Variants in CDH23 observed in about 807,000 individuals in gnomAD.
CDH23 encodes cadherin related 23.
CDH23 carries 189 observed loss-of-function variants against 317.1 expected under a neutral mutation model. The observed-to-expected ratio is 0.60, with a 90% CI of 0.53 to 0.67. The LOEUF (loss-of-function observed/expected upper bound fraction) is 0.67. Among genes scored for constraint, CDH23 ranks in the 30% least tolerant of loss-of-function variants. The probability of loss-of-function intolerance (pLI) is 0.00; values close to 1 mark genes in which losing one functional copy is unlikely to be tolerated. For missense variants in CDH23, 4,401 were observed against 4,592.4 expected (o/e 0.96, Z 1.20); for synonymous variants, 1,839 against 1,876.8 (o/e 0.98, Z 0.52).
intron 6 of CDH23, among the ~76,000 whole-genome samples, chr10:71,529,448 C>G (rs1221034943): frequency 1.3e-5 from 2 of 152,182 alleles, no homozygotes; most frequent in African/African-American, 4.8e-5. Context: ...AGCTGCGTAT[C>G]CTGGAGCGGG....
intron 32 of CDH23, 29 bp from the exon 33 acceptor site, chr10:71,734,211 C>A (rs770888963): frequency 1.3e-6 from 2 of 1,558,344 alleles, no homozygotes; most frequent in Non-Finnish European, 8.8e-7. Flanking sequence ...GCGATGTTGT[C>A]ACTCACCCAT....
intron 2 of CDH23, among the ~76,000 whole-genome samples, chr10:71,445,897 A>G (rs1430969890): frequency 1.3e-5 from 2 of 151,818 alleles, no homozygotes; most frequent in Non-Finnish European, 2.9e-5. Flanking sequence ...AACAGGTGAC[A>G]TTCATTTTAA....
At chr10:71,628,464 G>A (rs1861852054) in intron 11 of CDH23, among the ~76,000 whole-genome samples, 1 of 152,144 alleles carries the variant, frequency 6.6e-6, no homozygotes, top group South Asian at 2.1e-4. Flanking sequence ...TTCTCCATCT[G>A]TTAAAAAGGA....
intron 26 of CDH23, chr10:71,707,435 G>A (rs1026144678): frequency 4.8e-6 from 6 of 1,254,960 alleles, no homozygotes; most frequent in Non-Finnish European, 6.0e-6. Flanking sequence ...CTTCCTTGGG[G>A]ACCTGTTGAG....
chr10:71,781,854 G>A (rs1177469569), intron 41 of CDH23, among the ~76,000 whole-genome samples: 1 of 152,166 alleles, frequency 6.6e-6, no homozygotes, highest in Non-Finnish European at 1.5e-5. Context: ...ATCAATGAAG[G>A]CCCAGAGAGG....
intron 14 of CDH23, among the ~76,000 whole-genome samples, chr10:71,651,206 T>C (rs562705657): frequency 6.6e-6 from 1 of 152,048 alleles, no homozygotes; most frequent in East Asian, 1.9e-4. Flanking sequence ...TGAGTAAGCA[T>C]TAACTGGTGA....
At chr10:71,810,202 C>A in intron 61 of CDH23, 126 bp downstream of exon 61, 5 of 1,160,206 alleles carry the variant, frequency 4.3e-6, no homozygotes, top group South Asian at 1.5e-5. Flanking sequence ...CCTACTTAGT[C>A]ATTTCCTATC....
At chr10:71,485,832 A>G (rs1852319313) in intron 3 of CDH23, among the ~76,000 whole-genome samples, 1 of 152,230 alleles carries the variant, frequency 6.6e-6, no homozygotes, top group Non-Finnish European at 1.5e-5. Flanking sequence ...TCTATGACAA[A>G]GCCACATTTG....
intron 3 of CDH23, among the ~76,000 whole-genome samples, chr10:71,488,044 T>C: frequency 6.6e-6 from 1 of 152,208 alleles, no homozygotes; most frequent in East Asian, 1.9e-4. Context: ...CTCTGTACCT[T>C]TCTGGGAACC....
In CDH23 at chr10:71,677,569, C is replaced by A. The variant is rs529161461; in HGVS notation, c.1628C>A (p.Thr543Asn). ...IIARDGGGEE[T>N]TGRVRINVLD... is the part of the protein sequence containing the mutation. ...GCCCGGGACGGGGGCGGCGAGGAGA[C>A]CACAGGCCGGGTCAGGATCAATGTG... is the stretch of plus-strand genomic sequence containing the variant. The change falls in exon 16 of 70, where the codon ACC becomes AAC. Residue 543 changes from threonine (T) to asparagine (N), a missense_variant. Transcript: ENST00000224721. The A allele has an allele frequency of 1.9e-6, 3 of 1,611,094 alleles. No individual in the cohort carries two copies. The South Asian group carries it at 3.3e-5, about 18-fold the overall frequency.
intron 44 of CDH23, among the ~76,000 whole-genome samples, chr10:71,786,410 C>G (rs976225001): frequency 6.6e-6 from 1 of 151,862 alleles, no homozygotes; most frequent in African/African-American, 2.4e-5. Flanking sequence ...CCCTATCGGT[C>G]TAGCCAGAGG....
intron 3 of CDH23, among the ~76,000 whole-genome samples, chr10:71,491,009 C>A (rs1000923957): frequency 6.6e-6 from 1 of 151,330 alleles, no homozygotes; most frequent in African/African-American, 2.4e-5. Context: ...GACTCCATCG[C>A]AAAAAAAATA....
At chr10:71,702,410 C>T in intron 23 of CDH23, 139 bp from the exon 24 acceptor site, 1 of 1,225,120 alleles carries the variant, frequency 8.2e-7, no homozygotes, top group Non-Finnish European at 1.2e-6. Flanking sequence ...GCTGTGAGGC[C>T]TAGGCTGCTT....
At chr10:71,807,429 C>T in intron 58 of CDH23, 23 bp downstream of exon 58, 1 of 1,613,442 alleles carries the variant, frequency 6.2e-7, no homozygotes, top group Non-Finnish European at 8.5e-7. Context: ...AGAGCTAGTG[C>T]CCTGATTACC....
In CDH23 at chr10:71,702,005, T is replaced by G. The variant is rs760876579; in HGVS notation, c.2398-17T>G. The G allele has an allele frequency of 1.2e-6, 2 of 1,613,182 alleles. No individual in the cohort carries two copies. The highest frequency in any genetic ancestry group is 1.7e-6 in the Non-Finnish European group (2 of 1,179,792). On this transcript the variant is annotated splice_polypyrimidine_tract_variant and intron_variant, in intron 22 of 69. Coordinates refer to ENST00000224721, the MANE Select transcript of CDH23 (RefSeq NM_022124.6). ...CCAGGCGCGGCTCAGTGAAGGGGTC[T>G]GCTCCCTCCCGGGCAGGTGGTGGCT...
intron 25 of CDH23, among the ~76,000 whole-genome samples, chr10:71,706,249 G>A (rs114961674): frequency 0.022 from 3,412 of 152,260 alleles, 94 homozygotes; most frequent in African/African-American, 0.063. Context: ...ATGCAGAGCG[G>A]AGTAAACACA....
At position 71,646,596 on chromosome 10, in the gene CDH23, G is replaced by A. The variant is rs397517306; in HGVS notation, c.1428G>A (p.Gly476=). ...NISLYENVTV[G]TSVLTVLATD... Reference sequence around the variant, plus strand: ...GCCTGTACGAGAACGTCACCGTGGGGACCTCTGTGCTGACAGTCCTGGTGA... The same window carrying A: ...GCCTGTACGAGAACGTCACCGTGGGAACCTCTGTGCTGACAGTCCTGGTGA... Residue 476 remains glycine, a synonymous_variant, in exon 14 of 70, where the codon GGG becomes GGA. Coordinates refer to ENST00000224721, the MANE Select transcript of CDH23 (RefSeq NM_022124.6). The A allele has an allele frequency of 2.5e-6, 4 of 1,613,996 alleles. No homozygotes were observed. The highest frequency in any genetic ancestry group is 2.5e-6 in the Non-Finnish European group (3 of 1,179,892).
At chr10:71,653,457 A>T (rs1564711896) in intron 14 of CDH23, among the ~76,000 whole-genome samples, 1 of 151,950 alleles carries the variant, frequency 6.6e-6, no homozygotes, top group African/African-American at 2.4e-5. Flanking sequence ...GAATCCAAGA[A>T]CTCTAACATG....
intron 9 of CDH23, among the ~76,000 whole-genome samples, chr10:71,602,313 T>C (rs913955639): frequency 3.3e-5 from 5 of 152,028 alleles, no homozygotes; most frequent in African/African-American, 1.2e-4. Context: ...GGACAATCAG[T>C]GAGAGCCGCT....
Sources: allele counts gnomAD v4.1 joint callset (sites outside exome capture counted in the v4.1 genomes callset), GRCh38; gene constraint gnomAD v4.1.1; transcripts MANE v1.5; gene names NCBI Gene and HGNC (gene_info 2026-07-23, HGNC 2026-07-21).